Variants in PPP3CA observed in about 807,000 individuals in gnomAD.
PPP3CA encodes the protein protein phosphatase 3 catalytic subunit alpha, also known as CAM-PRP catalytic subunit.
Under a neutral mutation model 66.5 loss-of-function variants are expected in PPP3CA, and 14 were observed. The observed-to-expected ratio is 0.21, with a 90% CI of 0.14 to 0.33. The LOEUF (loss-of-function observed/expected upper bound fraction) is 0.33, where lower values mean the gene tolerates loss of function less well. Ranked by LOEUF, PPP3CA falls within the 10% of genes least tolerant of loss-of-function variation. The probability of loss-of-function intolerance (pLI) is 1.00; values close to 1 mark genes in which losing one functional copy is unlikely to be tolerated. For synonymous variants in PPP3CA, 232 were observed against 226.2 expected (o/e 1.03, Z -0.23); for missense variants, 317 against 639.5 (o/e 0.50, Z 5.44).
chr4:101,289,918 T>C (rs932204412), intron 1 of PPP3CA, among the ~76,000 whole-genome samples: 1 of 146,698 alleles, frequency 6.8e-6, no homozygotes, highest in Non-Finnish European at 1.5e-5. Context: ...GTGTGTCAGA[T>C]GTTTAAGACT....
chr4:101,048,355 G>T (rs1004766517), intron 10 of PPP3CA, among the ~76,000 whole-genome samples: 4 of 151,938 alleles, frequency 2.6e-5, no homozygotes, highest in Non-Finnish European at 5.9e-5. Context: ...CCTGAAGACT[G>T]CTGTTCTATC....
In PPP3CA at chr4:101,106,449, GAAAGAGAAAAGAAAAGAAAAGAAA is replaced by G. The variant is rs1560605083; in HGVS notation, c.384+2481_384+2504del. On this transcript the variant is annotated intron_variant, in intron 3 of 13. Coordinates refer to ENST00000394854, the MANE Select transcript of PPP3CA (RefSeq NM_000944.5). ...AGAAAGAAAGAAAGAAAGAAAGAAAGAAAGAGAAAAGAAAAGAAAAGAAAAGAAAAGAAAAGAAAAGAAAAGAAA... is the reference window on the plus strand; with the variant it reads ...AGAAAGAAAGAAAGAAAGAAAGAAAGAGAAAAGAAAAGAAAAGAAAAGAAA... Among the ~76,000 whole-genome samples, 10 of 5,550 alleles carry G rather than the reference GAAAGAGAAAAGAAAAGAAAAGAAA, an allele frequency of 1.8e-3. 1 individual carries two copies. Among genetic ancestry groups the G allele is most frequent in the Admixed American group, 8.2e-3 (3 of 368 alleles). The allele number at this position is 5,550 out of a possible 152,430, so 3.6% of individuals were successfully genotyped here.
chr4:101,185,704 A>G (rs1243461200), intron 2 of PPP3CA, among the ~76,000 whole-genome samples: 2 of 152,160 alleles, frequency 1.3e-5, no homozygotes, highest in Non-Finnish European at 2.9e-5. Flanking sequence ...ATTCAAGAGT[A>G]TTTTAATCAA....
intron 1 of PPP3CA, among the ~76,000 whole-genome samples, chr4:101,277,266 T>A (rs1385389670): frequency 1.3e-5 from 2 of 152,180 alleles, no homozygotes; most frequent in Admixed American, 1.3e-4. Context: ...TAATACCTCA[T>A]CATATGGATG....
At chr4:101,074,450 T>C (rs1379962360) in intron 8 of PPP3CA, among the ~76,000 whole-genome samples, 1 of 152,136 alleles carries the variant, frequency 6.6e-6, no homozygotes, top group East Asian at 1.9e-4. Flanking sequence ...GCTTCTGAGG[T>C]CTGGCCATAC....
chr4:101,301,678 G>C (rs1326573841), intron 1 of PPP3CA, among the ~76,000 whole-genome samples: 1 of 148,930 alleles, frequency 6.7e-6, no homozygotes, highest in Admixed American at 6.7e-5. Context: ...ATTTTCAGTA[G>C]AGACGGGGTT....
chr4:101,108,344 T>G (rs1876267), intron 3 of PPP3CA, among the ~76,000 whole-genome samples: 106,632 of 152,232 alleles, frequency 0.7, 39,725 homozygotes, highest in East Asian at 1. Flanking sequence ...ACATTGATTA[T>G]TTCTTTCAAT....
intron 12 of PPP3CA, among the ~76,000 whole-genome samples, chr4:101,030,579 C>G (rs1314264219): frequency 2.0e-5 from 3 of 151,748 alleles, no homozygotes; most frequent in African/African-American, 7.3e-5. Context: ...AAAACACAAA[C>G]CAATGGATTT....
intron 9 of PPP3CA, among the ~76,000 whole-genome samples, chr4:101,061,436 T>C (rs1332837364): frequency 6.6e-6 from 1 of 152,252 alleles, no homozygotes; most frequent in African/African-American, 2.4e-5. Context: ...GATGTGAATA[T>C]ACTACAAATC....
chr4:101,162,135 G>C (rs1210883368), intron 2 of PPP3CA, among the ~76,000 whole-genome samples: 1 of 152,084 alleles, frequency 6.6e-6, no homozygotes, highest in East Asian at 1.9e-4. Flanking sequence ...AGATACTGGG[G>C]AGGCTGAGGG....
chr4:101,040,463 A>G lies in PPP3CA; in HGVS notation c.1241+19T>C, dbSNP rs750024160. The G allele has an allele frequency of 1.9e-6, 3 of 1,544,758 alleles. No homozygotes were observed. The Admixed American group carries it at 6.0e-5, about 31-fold the overall frequency. ...ACATAATACAATTTGAAACAAAAAC[A>G]GAGTACGAATGCACCCACCTGAGCA... On this transcript the variant is annotated intron_variant, in intron 11 of 13. Coordinates refer to ENST00000394854, the MANE Select transcript of PPP3CA (RefSeq NM_000944.5).
intron 9 of PPP3CA, among the ~76,000 whole-genome samples, chr4:101,062,809 C>T (rs1293362832): frequency 6.6e-6 from 1 of 151,894 alleles, no homozygotes; most frequent in Non-Finnish European, 1.5e-5. Context: ...AATTTATTAA[C>T]ATCAGAAATG....
At chr4:101,083,154 C>T in intron 7 of PPP3CA, 32 bp downstream of exon 7, 2 of 1,400,894 alleles carry the variant, frequency 1.4e-6, no homozygotes, top group Non-Finnish European at 1.9e-6. Context: ...ATGGACAATG[C>T]ATGGTTTTTA....
chr4:101,037,786 A>G (rs998860381), intron 11 of PPP3CA, among the ~76,000 whole-genome samples: 1 of 152,152 alleles, frequency 6.6e-6, no homozygotes. Context: ...ATGCTATTCA[A>G]AACACTCAAG....
intron 3 of PPP3CA, among the ~76,000 whole-genome samples, chr4:101,100,726 A>C (rs1004869588): frequency 1.6e-4 from 24 of 152,316 alleles, no homozygotes; most frequent in Admixed American, 1.2e-3. Context: ...AGTGAAGCTA[A>C]GAAGATATAA....
At chr4:101,028,819 G>C (rs919666216) in intron 13 of PPP3CA, among the ~76,000 whole-genome samples, 17 of 152,174 alleles carry the variant, frequency 1.1e-4, no homozygotes, top group African/African-American at 2.6e-4. Flanking sequence ...AGTGATTTGA[G>C]GGAGGGACAT....
intron 1 of PPP3CA, among the ~76,000 whole-genome samples, chr4:101,304,900 C>T (rs891352623): frequency 2.0e-5 from 3 of 152,176 alleles, no homozygotes; most frequent in Non-Finnish European, 4.4e-5. Flanking sequence ...ACTAAACAGG[C>T]CAGTCAGTCT....
At chr4:101,126,414 A>G (rs183693922) in intron 2 of PPP3CA, among the ~76,000 whole-genome samples, 3 of 152,362 alleles carry the variant, frequency 2.0e-5, no homozygotes, top group East Asian at 3.9e-4. Flanking sequence ...TACAATTTCC[A>G]TATTTCTCTT....
chr4:101,157,280 T>G (rs1394254289), intron 2 of PPP3CA, among the ~76,000 whole-genome samples: 1 of 152,226 alleles, frequency 6.6e-6, no homozygotes, highest in African/African-American at 2.4e-5. Context: ...AATTATTGGA[T>G]AGTAATGACA....
Sources: allele counts gnomAD v4.1 joint callset (sites outside exome capture counted in the v4.1 genomes callset), GRCh38; gene constraint gnomAD v4.1.1; transcripts MANE v1.5; gene names NCBI Gene and HGNC (gene_info 2026-07-23, HGNC 2026-07-21).